DSE: variants seen among roughly 807,000 people sequenced by gnomAD.
DSE encodes dermatan sulfate epimerase.
In DSE, 36 loss-of-function variants were observed where a neutral mutation model predicts 84.4. The ratio of observed to expected loss-of-function variants is 0.43; its 90% confidence interval spans 0.33 to 0.56. The LOEUF is 0.56. Ranked by LOEUF, DSE falls within the 20% of genes least tolerant of loss-of-function variation. The probability of loss-of-function intolerance (pLI) is 0.06; values close to 1 mark genes in which losing one functional copy is unlikely to be tolerated. For missense variants in DSE, 862 were observed against 1,169.6 expected (o/e 0.74, Z 3.84); for synonymous variants, 410 against 430.1 (o/e 0.95, Z 0.58).
chr6:116,266,325 C>T (rs1036899904), intron 2 of DSE, among the ~76,000 whole-genome samples: 8 of 152,098 alleles, frequency 5.3e-5, no homozygotes, highest in Admixed American at 3.3e-4. Context: ...CTTTAAGAGC[C>T]ATTTGAGGAA....
At chr6:116,273,080 A>G (rs1468091085) in intron 2 of DSE, among the ~76,000 whole-genome samples, 1 of 152,210 alleles carries the variant, frequency 6.6e-6, no homozygotes, top group Admixed American at 6.5e-5. Context: ...ATGGATAAGG[A>G]AACCAAGATT....
At chr6:116,324,393 G>A (rs1776504365) in intron 2 of DSE, among the ~76,000 whole-genome samples, 1 of 152,174 alleles carries the variant, frequency 6.6e-6, no homozygotes, top group African/African-American at 2.4e-5. Flanking sequence ...CTGGAAGGCA[G>A]CAGTTTAGAT....
At chr6:116,371,911 G>A (rs1779609785) in intron 1 of DSE, among the ~76,000 whole-genome samples, 1 of 152,232 alleles carries the variant, frequency 6.6e-6, no homozygotes, top group Non-Finnish European at 1.5e-5. Context: ...AAGCCGGCTG[G>A]CATTCAGATG....
chr6:116,297,690 T>C (rs1774757728), intron 2 of DSE, among the ~76,000 whole-genome samples: 1 of 152,228 alleles, frequency 6.6e-6, no homozygotes, highest in Non-Finnish European at 1.5e-5. Context: ...CTTCTTAGGA[T>C]AAATTATCTT....
At position 116,437,532 on chromosome 6, in the gene DSE, A is replaced by G. The variant is rs976282611; in HGVS notation, c.*187A>G. The G allele has an allele frequency of 9.7e-5, 57 of 587,930 alleles. No homozygotes were observed. Among genetic ancestry groups the G allele is most frequent in the Non-Finnish European group, 6.3e-5 (22 of 351,564 alleles). 36.4% of individuals were successfully genotyped at this position (587,930 alleles called of 1,614,324 possible). On this transcript the variant is annotated 3_prime_UTR_variant, in exon 6 of 6. Transcript: ENST00000644252. ...GAGCAGGAAAAGAAATTATCAAAGC[A>G]ATAGAAATAGCTTGGTGGTCCTATG... is the stretch of plus-strand genomic sequence containing the variant.
intron 2 of DSE, 117 bp downstream of exon 2, chr6:116,399,783 AG>A (rs780017062): frequency 9.9e-7 from 1 of 1,011,902 alleles, no homozygotes; most frequent in Non-Finnish European, 1.4e-6. Context: ...GTGTGGGGGG[AG>A]GTGTTATTTG....
At chr6:116,262,967 G>A (rs894208054) in intron 2 of DSE, among the ~76,000 whole-genome samples, 14 of 152,182 alleles carry the variant, frequency 9.2e-5, no homozygotes, top group African/African-American at 2.9e-4. Context: ...TTTTGCTGTG[G>A]TTCAAGAGAT....
intron 2 of DSE, among the ~76,000 whole-genome samples, chr6:116,323,274 A>G (rs1004218249): frequency 3.9e-5 from 6 of 152,178 alleles, no homozygotes; most frequent in African/African-American, 1.4e-4. Context: ...CTTGTAAGAA[A>G]TCCTATACTG....
intron 2 of DSE, among the ~76,000 whole-genome samples, chr6:116,299,531 TATATATATATATATATATATACAC>T (rs1289408529): frequency 0.13 from 5,002 of 39,724 alleles, 665 homozygotes; most frequent in African/African-American, 0.34. Flanking sequence ...TATATATATA[TATATATATATATATATATATACAC>T]ATACACACAC....
Position 116,436,188 on chromosome 6 carries a change from C to T in DSE, c.1720C>T (p.Leu574=). 1 of 1,613,750 alleles carries T rather than the reference C, an allele frequency of 6.2e-7. No homozygotes were observed. Among genetic ancestry groups the T allele is most frequent in the South Asian group, 1.1e-5 (1 of 91,058 alleles). ...GCTTCTCCTTGTAGACCAAATACAC[C>T]TGGGAGAGGAGAGTCCCTTGGAGAC... ...QLLLLVDQIH[L]GEESPLETAA... Residue 574 remains leucine (L), a synonymous_variant, in exon 6 of 6, where the codon CTG becomes TTG. Coordinates refer to ENST00000644252, the MANE Select transcript of DSE (RefSeq NM_013352.4).
In DSE at chr6:116,436,937, T is replaced by C; in HGVS notation, c.2469T>C (p.Pro823=). Residue 823 remains proline, a synonymous_variant, in exon 6 of 6, where the codon CCT becomes CCC. Coordinates refer to ENST00000644252, the MANE Select transcript of DSE (RefSeq NM_013352.4). ...GCTATAAATTTGTGGATGCTGTCCCTGATATTTTTGCACAGATTGAAGTCA... is the reference window on the plus strand; with the variant it reads ...GCTATAAATTTGTGGATGCTGTCCCCGATATTTTTGCACAGATTGAAGTCA... The part of the protein sequence containing the change: ...GKRYKFVDAV[P]DIFAQIEVNE... 6.2e-7 allele frequency: 1 copy of C among 1,614,034 alleles called. No homozygotes were observed. The highest frequency in any genetic ancestry group is 8.5e-7 in the Non-Finnish European group (1 of 1,179,998).
intron 2 of DSE, among the ~76,000 whole-genome samples, chr6:116,425,614 TTTTTATTTTATTTTA>T (rs1562303848): frequency 2.4e-5 from 2 of 83,444 alleles, no homozygotes; most frequent in African/African-American, 7.4e-5. Flanking sequence ...ATTTTATTTA[TTTTTATTTTATTTTA>T]TTTTTTTTTT....
chr6:116,429,195 T>A (rs955673629), intron 3 of DSE, among the ~76,000 whole-genome samples: 1 of 152,132 alleles, frequency 6.6e-6, no homozygotes, highest in Non-Finnish European at 1.5e-5. Flanking sequence ...ATATCAGGTA[T>A]GATGCTGGGT....
intron 1 of DSE, among the ~76,000 whole-genome samples, chr6:116,380,305 CAT>C (rs1448600996): frequency 1.3e-5 from 2 of 151,908 alleles, no homozygotes; most frequent in Admixed American, 1.3e-4. Context: ...ATAAATATAA[CAT>C]AGTTTCCAGC....
At chr6:116,381,896 G>A (rs1029334135) in intron 1 of DSE, among the ~76,000 whole-genome samples, 4 of 152,096 alleles carry the variant, frequency 2.6e-5, no homozygotes, top group Non-Finnish European at 5.9e-5. Flanking sequence ...AAATCTGTCA[G>A]CAGACTGTTT....
upstream of DSE, chr6:116,370,453 G>A: frequency 1.0e-6 from 1 of 987,612 alleles, no homozygotes; most frequent in South Asian, 4.6e-5. Flanking sequence ...AAAAGAGGCA[G>A]TAACTATTCG....
chr6:116,390,051 G>GC (rs1221960833), intron 1 of DSE, among the ~76,000 whole-genome samples: 1 of 150,820 alleles, frequency 6.6e-6, no homozygotes, highest in Non-Finnish European at 1.5e-5. Flanking sequence ...TATTTTCAAT[G>GC]CCTAACATAG....
chr6:116,331,300 A>T (rs908830111), intron 2 of DSE, among the ~76,000 whole-genome samples: 1 of 152,166 alleles, frequency 6.6e-6, no homozygotes, highest in African/African-American at 2.4e-5. Context: ...ATTGACTCAC[A>T]GTTCTGCAGG....
At chr6:116,412,682 A>G (rs1391334760) in intron 2 of DSE, 1 of 152,128 alleles carries the variant, frequency 6.6e-6, no homozygotes, top group Non-Finnish European at 1.5e-5. Context: ...TTTTGTTTCT[A>G]ATTTTATTAC....
Sources: allele counts gnomAD v4.1 joint callset (sites outside exome capture counted in the v4.1 genomes callset), GRCh38; gene constraint gnomAD v4.1.1; transcripts MANE v1.5; gene names NCBI Gene and HGNC (gene_info 2026-07-23, HGNC 2026-07-21).